PIGN: variants seen among roughly 807,000 people sequenced by gnomAD.
PIGN encodes the protein GPI ethanolamine phosphate transferase 1.
A neutral mutation model predicts 125.4 loss-of-function variants in PIGN; 117 were observed. The ratio of observed to expected loss-of-function variants is 0.93; its 90% CI spans 0.80 to 1.09. The LOEUF is 1.09. PIGN is among the 50% of genes least tolerant of loss of function. The pLI is 0.00. For missense variants in PIGN, 1,075 were observed against 1,094.9 expected (o/e 0.98, Z 0.26); for synonymous variants, 392 against 377.8 (o/e 1.04, Z -0.44).
Position 62,045,885 on chromosome 18 carries a change from A to G in PIGN, c.2767T>C (p.Cys923Arg). The change falls in exon 31 of 31, where the codon TGT (cysteine) becomes CGT (arginine). Residue 923 changes from cysteine (C) to arginine (R), a missense_variant. Coordinates refer to ENST00000640252, the MANE Select transcript of PIGN (RefSeq NM_176787.5). Reference sequence around the variant, plus strand: ...ATGAAGTGACTTTTGGGTTTGCCACATAGTCTGAGTTTCTTCGTTGTGAGC... The same window carrying G: ...ATGAAGTGACTTTTGGGTTTGCCACGTAGTCTGAGTTTCTTCGTTGTGAGC... Reference protein sequence around the residue: ...QLLTTKKLRLCGKPKSHFM With the variant: ...QLLTTKKLRLRGKPKSHFM 1 of 1,613,876 alleles carries G rather than the reference A, an allele frequency of 6.2e-7. No individual in the cohort carries two copies. Among genetic ancestry groups the G allele is most frequent in the Non-Finnish European group, 8.5e-7 (1 of 1,179,808 alleles).
At chr18:62,092,876 A>G (rs1451585151) in intron 23 of PIGN, among the ~76,000 whole-genome samples, 1 of 152,142 alleles carries the variant, frequency 6.6e-6, no homozygotes, top group Non-Finnish European at 1.5e-5. Context: ...GCACTAACTC[A>G]GCTTTCCTAT....
rs572179033 is a variant in PIGN at position 62,076,949 on chromosome 18, T to G, written c.2577-2128A>C. 5.3e-5 allele frequency among the ~76,000 whole-genome samples: 8 copies of G among 152,340 alleles called. No homozygotes were observed. The East Asian group carries it at 1.5e-3, about 29-fold the overall frequency. ...ATTGTCTAGCACTAGTTTTAGTGGT[T>G]GCAGCAACAGAATCCACTCCATTTT... is the stretch of plus-strand genomic sequence containing the variant. On this transcript the variant is annotated intron_variant, in intron 28 of 30. Transcript: ENST00000640252.
At chr18:62,186,712 T>C (rs1378115433) in intron 1 of PIGN, 132 bp downstream of exon 1, 1 of 152,270 alleles carries the variant, frequency 6.6e-6, no homozygotes, top group Non-Finnish European at 1.5e-5. Flanking sequence ...TTGCTATCCA[T>C]GGGGACAAAA....
intron 23 of PIGN, among the ~76,000 whole-genome samples, chr18:62,020,794 TTAAAA>T (rs906324575): frequency 1.6e-5 from 2 of 124,928 alleles, no homozygotes; most frequent in Non-Finnish European, 3.4e-5. Context: ...GCTAAAAATA[TTAAAA>T]AAAAAAAAAA....
intron 14 of PIGN, among the ~76,000 whole-genome samples, chr18:62,131,361 T>C (rs2035730912): frequency 6.6e-6 from 1 of 152,216 alleles, no homozygotes; most frequent in Non-Finnish European, 1.5e-5. Context: ...TTTTGCTTTC[T>C]TCTTATTCTG....
chr18:62,070,966 C>T (rs902263753), intron 30 of PIGN, among the ~76,000 whole-genome samples: 2 of 151,904 alleles, frequency 1.3e-5, no homozygotes, highest in South Asian at 2.1e-4. Context: ...CCACTGCACT[C>T]GGGTAATTTT....
chr18:62,081,031 A>C (rs925702657), intron 28 of PIGN, among the ~76,000 whole-genome samples: 7 of 152,202 alleles, frequency 4.6e-5, no homozygotes, highest in Admixed American at 3.9e-4. Flanking sequence ...ATGTTAATAC[A>C]ACTTTTCTAC....
intron 17 of PIGN, among the ~76,000 whole-genome samples, chr18:62,107,761 T>C (rs544598150): frequency 3.0e-4 from 45 of 152,248 alleles, no homozygotes; most frequent in African/African-American, 1.1e-3. Flanking sequence ...CTGAAAAATT[T>C]TTTAAAATTC....
intron 27 of PIGN, among the ~76,000 whole-genome samples, chr18:62,083,910 G>C (rs1356681353): frequency 6.6e-6 from 1 of 152,024 alleles, no homozygotes; most frequent in Admixed American, 6.6e-5. Context: ...TCGGATTTTA[G>C]GCAAGAATCA....
At position 62,147,091 on chromosome 18, in the gene PIGN, G is replaced by C. The variant is rs9320001; in HGVS notation, c.685C>G (p.His229Asp). 1,215,278 of 1,587,026 alleles carry C rather than the reference G, an allele frequency of 0.77. 468,501 individuals are homozygous for C. Among genetic ancestry groups the C allele is most frequent in the East Asian group, 0.88 (39,277 of 44,518 alleles). Residue 229 changes from histidine (H) to aspartate (D), a missense_variant, in exon 9 of 31, where the codon CAC (histidine) becomes GAC (aspartate). Around this residue, in one of 3 missense-constraint regions of PIGN, gnomAD observed 915 missense variants for 908.7 expected, o/e 1.01. Transcript: ENST00000640252. ...CCATCATCAACTTTTTTAATATTGT[G>C]CTTGTAGTCTCTATTTGTAAAGAAA... ...AHRPSSRDYKHNIKKVDDGVK... is the reference protein window; with the variant it reads ...AHRPSSRDYKDNIKKVDDGVK...
chr18:62,165,072 A>G (rs1344531660), intron 1 of PIGN, among the ~76,000 whole-genome samples: 1 of 152,190 alleles, frequency 6.6e-6, no homozygotes, highest in Non-Finnish European at 1.5e-5. Flanking sequence ...GTTGGATCCC[A>G]CATGAATGGC....
chr18:62,076,268 T>C (rs1340848888), intron 28 of PIGN, among the ~76,000 whole-genome samples: 1 of 152,218 alleles, frequency 6.6e-6, no homozygotes, highest in African/African-American at 2.4e-5. Context: ...TAATGGCTAA[T>C]AATGCTGAAC....
At chr18:62,027,492 G>A (rs920608415) in intron 23 of PIGN, among the ~76,000 whole-genome samples, 4 of 152,182 alleles carry the variant, frequency 2.6e-5, no homozygotes, top group African/African-American at 4.8e-5. Context: ...CCAGAAAGGC[G>A]GGACAACGCG....
At chr18:62,147,240 C>T (rs2036367491) in intron 8 of PIGN, 139 bp from the exon 9 acceptor site, 6 of 1,096,022 alleles carry the variant, frequency 5.5e-6, no homozygotes, top group Non-Finnish European at 2.4e-6. Flanking sequence ...AATCAGAGTA[C>T]TCTAGATTGT....
intron 6 of PIGN, among the ~76,000 whole-genome samples, 178 bp from the exon 7 acceptor site, chr18:62,154,829 A>G: frequency 6.6e-6 from 1 of 152,206 alleles, no homozygotes; most frequent in East Asian, 1.9e-4. Flanking sequence ...GTTATGTGCT[A>G]TGGACCATGC....
Position 62,043,507 on chromosome 18 carries a change from T to C in PIGN, c.*2349A>G, listed in dbSNP as rs921748867. The C allele has an allele frequency of 6.6e-6, 1 of 152,220 alleles. No individual in the cohort carries two copies. Among genetic ancestry groups the C allele is most frequent in the Admixed American group, 6.5e-5 (1 of 15,282 alleles). The allele number at this position is 152,220 out of a possible 1,614,324, so 9.4% of individuals were successfully genotyped here. On this transcript the variant is annotated 3_prime_UTR_variant, in exon 31 of 31. Coordinates refer to ENST00000640252, the MANE Select transcript of PIGN (RefSeq NM_176787.5). ...ATAAGTTTTTCATGAGAAACCATAT[T>C]ATAATGGATGAAGAGCTTTTCTAAT...
chr18:62,114,003 G>A (rs1031073938), intron 15 of PIGN, among the ~76,000 whole-genome samples: 8 of 152,116 alleles, frequency 5.3e-5, no homozygotes, highest in Admixed American at 4.6e-4. Flanking sequence ...TAAGAAGGGT[G>A]ACACAAACTT....
intron 28 of PIGN, among the ~76,000 whole-genome samples, chr18:62,078,287 G>A (rs1383432120): frequency 2.0e-5 from 3 of 152,186 alleles, no homozygotes; most frequent in African/African-American, 7.2e-5. Context: ...TACGATCCCT[G>A]AACTAAGTCT....
chr18:62,128,767 TATA>T (rs562289573), intron 14 of PIGN, among the ~76,000 whole-genome samples: 185 of 152,306 alleles, frequency 1.2e-3, no homozygotes, highest in African/African-American at 4.1e-3. Context: ...TCTAGAGGGC[TATA>T]ATATTTTATT....
Sources: gnomAD v4.1 joint callset for allele counts (sites outside exome capture counted in the v4.1 genomes callset) on GRCh38, gnomAD v4.1.1 for gene constraint, gnomAD v4.1.1 regional missense constraint, MANE v1.5 for transcripts, NCBI Gene and HGNC (gene_info 2026-07-23, HGNC 2026-07-21) for gene names.